The following ATRNL1 variants were observed in gnomAD, a reference collection of about 807,000 sequenced individuals.
The protein encoded by ATRNL1 is attractin like 1.
Under a neutral mutation model 182.7 loss-of-function variants are expected in ATRNL1, and 95 were observed. That is an observed-to-expected ratio of 0.52 (90% CI 0.44 to 0.62). The LOEUF (loss-of-function observed/expected upper bound fraction) is 0.62, where lower values mean the gene tolerates loss of function less well. ATRNL1 is among the 20% of genes least tolerant of loss of function. The pLI, the probability that ATRNL1 is intolerant of heterozygous loss-of-function variation, is 0.00. For synonymous variants in ATRNL1, 576 were observed against 568.3 expected (o/e 1.01, Z -0.19); for missense variants, 1,471 against 1,679.5 (o/e 0.88, Z 2.17).
chr10:115,492,471 C>T (rs1849346348), intron 24 of ATRNL1, among the ~76,000 whole-genome samples: 1 of 151,036 alleles, frequency 6.6e-6, no homozygotes, highest in Middle Eastern at 3.4e-3. Context: ...ATAGTATTTC[C>T]TTTTTTGGCT....
chr10:115,361,752 C>T (rs1554944269), intron 19 of ATRNL1, among the ~76,000 whole-genome samples: 1 of 151,958 alleles, frequency 6.6e-6, no homozygotes, highest in Non-Finnish European at 1.5e-5. Flanking sequence ...CAATGTTGGA[C>T]TGTAAAATGT....
intron 24 of ATRNL1, among the ~76,000 whole-genome samples, chr10:115,492,713 G>C (rs577792935): frequency 7.6e-6 from 1 of 130,922 alleles, no homozygotes; most frequent in South Asian, 2.4e-4. Context: ...GCACAATCTT[G>C]GCCCACTGCA....
intron 13 of ATRNL1, among the ~76,000 whole-genome samples, chr10:115,272,186 G>A (rs141077138): frequency 7.7e-4 from 117 of 152,228 alleles, no homozygotes; most frequent in African/African-American, 2.4e-3. Flanking sequence ...ACTAAACCTC[G>A]TTTCTTTATG....
chr10:115,944,812 G>A lies in ATRNL1; in HGVS notation c.*33G>A, dbSNP rs1320687356. ...AAACCGCTCCTGTATATTCTGTACT[G>A]TTTTACTTCGGGCTTCTGTTAAAGC... On this transcript the variant is annotated 3_prime_UTR_variant, in exon 29 of 29. Coordinates refer to ENST00000355044, the MANE Select transcript of ATRNL1 (RefSeq NM_207303.4). 2 of 1,594,654 alleles carry A rather than the reference G, an allele frequency of 1.3e-6. No homozygotes were observed. Among genetic ancestry groups the A allele is most frequent in the South Asian group, 2.3e-5 (2 of 87,184 alleles).
chr10:115,236,069 G>A (rs78716289), intron 9 of ATRNL1, among the ~76,000 whole-genome samples: 2,352 of 152,072 alleles, frequency 0.015, 50 homozygotes, highest in African/African-American at 0.053. Flanking sequence ...TGCCTAGTGA[G>A]CTCCTTTCAA....
intron 26 of ATRNL1, among the ~76,000 whole-genome samples, chr10:115,556,083 A>G (rs1853298788): frequency 6.6e-6 from 1 of 152,040 alleles, no homozygotes; most frequent in South Asian, 2.1e-4. Context: ...AGTTGGTTTC[A>G]TAATGGACCA....
At chr10:115,282,529 G>T (rs1852418503) in intron 14 of ATRNL1, among the ~76,000 whole-genome samples, 1 of 151,402 alleles carries the variant, frequency 6.6e-6, no homozygotes, top group Middle Eastern at 3.4e-3. Flanking sequence ...CTACAGCAAA[G>T]CTCATTTTTA....
At chr10:115,632,332 C>T (rs1858566561) in intron 26 of ATRNL1, among the ~76,000 whole-genome samples, 1 of 152,026 alleles carries the variant, frequency 6.6e-6, no homozygotes, top group Non-Finnish European at 1.5e-5. Context: ...AGCACTATAA[C>T]TTCATGACTG....
chr10:115,256,870 C>T (rs1341644510), intron 10 of ATRNL1, among the ~76,000 whole-genome samples: 3 of 151,826 alleles, frequency 2.0e-5, no homozygotes, highest in African/African-American at 7.2e-5. Context: ...GAACATCTTT[C>T]TGCCTTCATT....
intron 24 of ATRNL1, among the ~76,000 whole-genome samples, chr10:115,503,465 G>A (rs1247311054): frequency 2.0e-5 from 3 of 151,990 alleles, no homozygotes; most frequent in African/African-American, 7.3e-5. Flanking sequence ...ACCCTTAAAA[G>A]GGGAGAGAAA....
At chr10:115,196,984 G>C (rs1300579386) in intron 8 of ATRNL1, among the ~76,000 whole-genome samples, 1 of 152,046 alleles carries the variant, frequency 6.6e-6, no homozygotes, top group African/African-American at 2.4e-5. Flanking sequence ...CCTTATTTTA[G>C]CAGGGAAATA....
chr10:115,866,123 T>C (rs1322813297), intron 28 of ATRNL1, among the ~76,000 whole-genome samples: 1 of 152,230 alleles, frequency 6.6e-6, no homozygotes, highest in Non-Finnish European at 1.5e-5. Flanking sequence ...ACTGTGCTTA[T>C]AATGTGCTGC....
intron 26 of ATRNL1, among the ~76,000 whole-genome samples, chr10:115,726,393 T>C (rs1476304545): frequency 3.1e-5 from 4 of 128,940 alleles, no homozygotes; most frequent in African/African-American, 1.0e-4. Flanking sequence ...ATTTTAATAT[T>C]TAATAATAAT....
chr10:115,877,591 T>C (rs1951729083), intron 28 of ATRNL1, among the ~76,000 whole-genome samples: 1 of 152,240 alleles, frequency 6.6e-6, no homozygotes, highest in African/African-American at 2.4e-5. Context: ...AGTACACTGA[T>C]GTTTAAATAT....
intron 26 of ATRNL1, among the ~76,000 whole-genome samples, chr10:115,583,040 A>G (rs1277818102): frequency 4.7e-5 from 7 of 149,162 alleles, no homozygotes; most frequent in Non-Finnish European, 8.9e-5. Flanking sequence ...AGGTTTGTCA[A>G]AGATCAGATA....
chr10:115,100,988 G>A (rs1192471665), intron 1 of ATRNL1, among the ~76,000 whole-genome samples: 1 of 152,012 alleles, frequency 6.6e-6, no homozygotes, highest in Non-Finnish European at 1.5e-5. Flanking sequence ...GGATGCTATT[G>A]TAAATGGCAT....
At chr10:115,365,895 A>G (rs1455934638) in intron 19 of ATRNL1, among the ~76,000 whole-genome samples, 1 of 152,100 alleles carries the variant, frequency 6.6e-6, no homozygotes, top group Non-Finnish European at 1.5e-5. Context: ...ATAGTTTGTT[A>G]TAATCTCTGT....
At chr10:115,661,463 A>G (rs1860677861) in intron 26 of ATRNL1, among the ~76,000 whole-genome samples, 1 of 152,200 alleles carries the variant, frequency 6.6e-6, no homozygotes, top group Non-Finnish European at 1.5e-5. Context: ...AAATTAAAGA[A>G]TCTACATTAT....
chr10:115,357,048 TA>T (rs1856535611), intron 19 of ATRNL1, among the ~76,000 whole-genome samples: 1 of 151,928 alleles, frequency 6.6e-6, no homozygotes, highest in African/African-American at 2.4e-5. Context: ...TTAGCCCCTA[TA>T]ATGTATTGCT....
Sources: gnomAD v4.1 joint callset for allele counts (sites outside exome capture counted in the v4.1 genomes callset) on GRCh38, gnomAD v4.1.1 for gene constraint, MANE v1.5 for transcripts, NCBI Gene and HGNC (gene_info 2026-07-23, HGNC 2026-07-21) for gene names.